SUSD1: variants seen among roughly 807,000 people sequenced by gnomAD.
SUSD1 encodes the protein sushi domain containing 1, also known as sushi domain-containing protein 1.
A neutral mutation model predicts 86.9 loss-of-function variants in SUSD1; 65 were observed. The observed-to-expected ratio is 0.75, with a 90% confidence interval of 0.61 to 0.92. The LOEUF is 0.92. SUSD1 is among the 40% of genes least tolerant of loss of function. The pLI is 0.00. For missense variants in SUSD1, 850 were observed against 929.7 expected (o/e 0.91, Z 1.11); for synonymous variants, 346 against 350.0 (o/e 0.99, Z 0.13).
chr9:112,068,534 C>G (rs1051007614), intron 12 of SUSD1, among the ~76,000 whole-genome samples: 1 of 151,920 alleles, frequency 6.6e-6, no homozygotes, highest in Non-Finnish European at 1.5e-5. Context: ...AACCTTGTCT[C>G]TACAAAAAAT....
At chr9:112,098,728 T>A in intron 9 of SUSD1, 66 bp from the exon 10 acceptor site, 1 of 1,464,454 alleles carries the variant, frequency 6.8e-7, no homozygotes, top group Non-Finnish European at 9.4e-7. Flanking sequence ...CCTAGACTAT[T>A]AGCAAAATGG....
intron 6 of SUSD1, among the ~76,000 whole-genome samples, chr9:112,122,005 G>A (rs192886005): frequency 2.6e-5 from 4 of 152,242 alleles, no homozygotes; most frequent in African/African-American, 7.2e-5. Context: ...TCTAAAATGC[G>A]CCCCACAGAT....
At chr9:112,132,868 G>A (rs1832090125) in intron 5 of SUSD1, among the ~76,000 whole-genome samples, 1 of 152,200 alleles carries the variant, frequency 6.6e-6, no homozygotes, top group African/African-American at 2.4e-5. Context: ...TGACTGTTGA[G>A]GTTGGCCCCT....
At chr9:112,142,589 A>C in intron 4 of SUSD1, 90 bp from the exon 5 acceptor site, 1 of 1,199,414 alleles carries the variant, frequency 8.3e-7, no homozygotes, top group Non-Finnish European at 1.2e-6. Context: ...TATTCCTCAC[A>C]CACACACACC....
chr9:112,140,587 T>A (rs10981274), intron 5 of SUSD1, among the ~76,000 whole-genome samples: 1 of 151,728 alleles, frequency 6.6e-6, no homozygotes, highest in Non-Finnish European at 1.5e-5. Flanking sequence ...CCAAAATTTT[T>A]AAAAAACTAA....
Position 112,041,350 on chromosome 9 carries a change from G to A in SUSD1, c.*142C>T, listed in dbSNP as rs142040646. On this transcript the variant is annotated 3_prime_UTR_variant, in exon 17 of 17. Transcript: ENST00000374270. ...CCACCATCTTAAATCCAGGAATGGG[G>A]CCCAGCTGGGAATGGAGAAAGTTGC... The A allele has an allele frequency of 6.4e-4, 461 of 722,824 alleles. 3 individuals carry two copies. The East Asian group carries it at 9.9e-3, about 15-fold the overall frequency. The allele number at this position is 722,824 out of a possible 1,614,324, so 44.8% of individuals were successfully genotyped here.
intron 6 of SUSD1, 34 bp from the exon 7 acceptor site, chr9:112,112,902 G>C (rs1463008544): frequency 7.3e-7 from 1 of 1,365,676 alleles, no homozygotes; most frequent in Admixed American, 1.7e-5. Flanking sequence ...CTCACAAAAT[G>C]CATCAATGGG....
intron 13 of SUSD1, among the ~76,000 whole-genome samples, chr9:112,061,452 C>T (rs146744006): frequency 6.6e-6 from 1 of 152,346 alleles, no homozygotes; most frequent in Non-Finnish European, 1.5e-5. Context: ...TCGAATGACT[C>T]ACAGTTCTCC....
At chr9:112,120,528 G>A (rs761580345) in intron 6 of SUSD1, among the ~76,000 whole-genome samples, 14 of 152,100 alleles carry the variant, frequency 9.2e-5, no homozygotes, top group African/African-American at 2.4e-4. Flanking sequence ...CTTTATCTGC[G>A]GAAATTGAAT....
At chr9:112,164,048 G>T (rs1833679912) in intron 1 of SUSD1, among the ~76,000 whole-genome samples, 1 of 151,850 alleles carries the variant, frequency 6.6e-6, no homozygotes, top group South Asian at 2.1e-4. Flanking sequence ...ATATCAGCTG[G>T]AAAATGGCTA....
intron 5 of SUSD1, among the ~76,000 whole-genome samples, chr9:112,125,250 T>G (rs1831721786): frequency 6.6e-6 from 1 of 152,222 alleles, no homozygotes; most frequent in African/African-American, 2.4e-5. Flanking sequence ...GATGTATGGA[T>G]GTCTCCATAA....
At chr9:112,136,389 A>G (rs1242623764) in intron 5 of SUSD1, among the ~76,000 whole-genome samples, 1 of 152,076 alleles carries the variant, frequency 6.6e-6, no homozygotes, top group Non-Finnish European at 1.5e-5. Flanking sequence ...GCGTGCCATC[A>G]TGCCCAGACA....
At position 112,088,369 on chromosome 9, in the gene SUSD1, G is replaced by A. The variant is rs568051981; in HGVS notation, c.1475-8204C>T. Among the ~76,000 whole-genome samples the A allele has an allele frequency of 2.4e-4, 36 of 152,266 alleles. No homozygotes were observed. In the East Asian group the frequency reaches 6.9e-3, roughly 29 times the overall value. On this transcript the variant is annotated intron_variant, in intron 10 of 16. Transcript: ENST00000374270. ...AAATGCTATATGTTTTCATAAAGTA[G>A]AAATAATGCAACTGAAAAACTGAGA... is the stretch of plus-strand genomic sequence containing the variant.
chr9:112,143,590 C>T lies in SUSD1; in HGVS notation c.407G>A (p.Arg136Lys), dbSNP rs1233884283. The T allele has an allele frequency of 6.2e-7, 1 of 1,613,826 alleles. No homozygotes were observed. The highest frequency in any genetic ancestry group is 8.5e-7 in the Non-Finnish European group (1 of 1,179,942). Residue 136 changes from arginine to lysine, a missense_variant, in exon 4 of 17, where the codon AGG (arginine) becomes AAG (lysine). Transcript: ENST00000374270. ...AGTGTTCACGCATCGCCCTCCATGC[C>T]TGCACAGGCCAGAAACTTCACACTC... ...IDECEVSGLC[R>K]HGGRCVNTHG... is the part of the protein sequence containing the mutation.
chr9:112,126,338 C>A (rs992838617), intron 5 of SUSD1, among the ~76,000 whole-genome samples: 4 of 152,090 alleles, frequency 2.6e-5, no homozygotes, highest in African/African-American at 7.2e-5. Flanking sequence ...AGGAGAGAAG[C>A]ACAAGTACAA....
intron 10 of SUSD1, among the ~76,000 whole-genome samples, chr9:112,083,078 C>T (rs1829834159): frequency 6.6e-6 from 1 of 151,830 alleles, no homozygotes; most frequent in South Asian, 2.1e-4. Flanking sequence ...AGTAACTTGT[C>T]ATAGCAGCAA....
intron 13 of SUSD1, among the ~76,000 whole-genome samples, chr9:112,059,402 C>T (rs1025174822): frequency 1.8e-4 from 27 of 152,222 alleles, no homozygotes. Context: ...TTAGCAGTCA[C>T]ATGGAGACCG....
intron 14 of SUSD1, among the ~76,000 whole-genome samples, chr9:112,057,270 T>C (rs1043444779): frequency 2.0e-5 from 3 of 152,182 alleles, no homozygotes; most frequent in African/African-American, 7.2e-5. Context: ...GAAATAAATG[T>C]CTGTTGCCTA....
chr9:112,055,995 T>G (rs1828431359), intron 14 of SUSD1, among the ~76,000 whole-genome samples: 1 of 152,176 alleles, frequency 6.6e-6, no homozygotes, highest in Admixed American at 6.5e-5. Context: ...GCGTGATGGC[T>G]CATGCCTGTA....
Sources: allele counts gnomAD v4.1 joint callset (sites outside exome capture counted in the v4.1 genomes callset), GRCh38; gene constraint gnomAD v4.1.1; transcripts MANE v1.5; gene names NCBI Gene and HGNC (gene_info 2026-07-23, HGNC 2026-07-21).